RPS6KB1: variants seen among roughly 807,000 people sequenced by gnomAD.
The protein encoded by RPS6KB1 is ribosomal protein S6 kinase B1.
In RPS6KB1, 12 loss-of-function variants were observed where a neutral mutation model predicts 70.2. The observed-to-expected ratio is 0.17, with a 90% CI of 0.11 to 0.28. The LOEUF (loss-of-function observed/expected upper bound fraction) is 0.28, where lower values mean the gene tolerates loss of function less well. Among genes scored for constraint, RPS6KB1 ranks in the 10% least tolerant of loss-of-function variants. The pLI is 1.00. For synonymous variants in RPS6KB1, 175 were observed against 211.2 expected (o/e 0.83, Z 1.49); for missense variants, 270 against 646.6 (o/e 0.42, Z 6.32).
At chr17:59,932,034 C>T (rs2043950594) in intron 7 of RPS6KB1, among the ~76,000 whole-genome samples, 1 of 152,026 alleles carries the variant, frequency 6.6e-6, no homozygotes, top group Non-Finnish European at 1.5e-5. Flanking sequence ...AAAAGCCAGT[C>T]TAAACATTAA....
chr17:59,933,888 A>C (rs1041085701), intron 7 of RPS6KB1, among the ~76,000 whole-genome samples: 2 of 152,168 alleles, frequency 1.3e-5, no homozygotes, highest in African/African-American at 4.8e-5. Flanking sequence ...AGAATTTTGT[A>C]TATACTTAAA....
At chr17:59,922,965 C>G (rs1422402539) in intron 4 of RPS6KB1, among the ~76,000 whole-genome samples, 1 of 150,132 alleles carries the variant, frequency 6.7e-6, no homozygotes, top group African/African-American at 2.5e-5. Context: ...CTCCCAGGTT[C>G]GAGCAATTCT....
intron 1 of RPS6KB1, among the ~76,000 whole-genome samples, chr17:59,902,885 T>G (rs114507469): frequency 2.1e-3 from 313 of 152,166 alleles, no homozygotes; most frequent in African/African-American, 7.2e-3. Flanking sequence ...CTGGCCTGAA[T>G]AAACCTTTTA....
chr17:59,914,759 C>T, intron 4 of RPS6KB1, 56 bp downstream of exon 4: 1 of 1,234,972 alleles, frequency 8.1e-7, no homozygotes, highest in Non-Finnish European at 1.2e-6. Flanking sequence ...CACTTGATCT[C>T]AGCCAAAAGG....
In RPS6KB1 at chr17:59,949,744, G is replaced by A. The variant is rs1322555207; in HGVS notation, c.*2956G>A. 1 of 152,296 alleles carries A rather than the reference G, an allele frequency of 6.6e-6. No homozygotes were observed. Among genetic ancestry groups the A allele is most frequent in the Non-Finnish European group, 1.5e-5 (1 of 67,882 alleles). The allele number at this position is 152,296 out of a possible 1,614,324, so 9.4% of individuals were successfully genotyped here. A position where few individuals can be genotyped will look rare whatever the true frequency, so the allele number is the denominator to read the frequency against. On this transcript the variant is annotated 3_prime_UTR_variant, in exon 15 of 15. Transcript: ENST00000225577. ...TATTTTTTAAGATAGAAGATAATTT[G>A]TGGGCAGGGGTGGAGGATGCATGTA...
rs559799422 is a variant in RPS6KB1, at chr17:59,948,232, A to G, written c.*1444A>G. 1 of 152,744 alleles carries G rather than the reference A, an allele frequency of 6.5e-6. No homozygotes were observed. The highest frequency in any genetic ancestry group is 1.9e-4 in the East Asian group (1 of 5,194). The allele number at this position is 152,744 out of a possible 1,614,324, so 9.5% of individuals were successfully genotyped here. On this transcript the variant is annotated 3_prime_UTR_variant, in exon 15 of 15. Transcript: ENST00000225577. ...CATTTCCATGACTTTAGCTGGTGAAAGGGTTTAATATCTGCAGAGCTTTAT... is the reference window on the plus strand; with the variant it reads ...CATTTCCATGACTTTAGCTGGTGAAGGGGTTTAATATCTGCAGAGCTTTAT...
intron 1 of RPS6KB1, among the ~76,000 whole-genome samples, chr17:59,898,610 C>G (rs2041711688): frequency 6.6e-6 from 1 of 151,796 alleles, no homozygotes; most frequent in Admixed American, 6.6e-5. Flanking sequence ...CCGACTACCA[C>G]ACCCAGCTAA....
At chr17:59,894,042 T>C in intron 1 of RPS6KB1, 1 of 699,088 alleles carries the variant, frequency 1.4e-6, no homozygotes, top group Non-Finnish European at 1.8e-6. Context: ...TGTATTTTTT[T>C]CAGAATAATT....
At chr17:59,916,644 G>C (rs992790655) in intron 4 of RPS6KB1, among the ~76,000 whole-genome samples, 3 of 152,100 alleles carry the variant, frequency 2.0e-5, no homozygotes, top group African/African-American at 7.2e-5. Context: ...TTCCCATCTG[G>C]AGTGGTAGCT....
At chr17:59,922,707 G>A (rs2043346613) in intron 4 of RPS6KB1, among the ~76,000 whole-genome samples, 1 of 151,524 alleles carries the variant, frequency 6.6e-6, no homozygotes, top group Non-Finnish European at 1.5e-5. Context: ...ATCGCGCCCA[G>A]CTAATTTTTT....
In RPS6KB1 at chr17:59,940,970, A is replaced by G. The variant is rs571692320; in HGVS notation, c.1227+27A>G. Reference sequence around the variant, plus strand: ...TAAGTGAAAGAATTTCCATGTAGTCATGGGAAATTTTAGTGTGAGGATGGG... The same window carrying G: ...TAAGTGAAAGAATTTCCATGTAGTCGTGGGAAATTTTAGTGTGAGGATGGG... On this transcript the variant is annotated intron_variant, in intron 13 of 14. Coordinates refer to ENST00000225577, the MANE Select transcript of RPS6KB1 (RefSeq NM_003161.4). 1.6e-5 allele frequency: 24 copies of G among 1,477,726 alleles called. No homozygotes were observed. The South Asian group carries it at 2.5e-4, about 15-fold the overall frequency. 91.5% of individuals were successfully genotyped at this position (1,477,726 alleles called of 1,614,324 possible).
chr17:59,941,368 T>TG (rs2044571901), intron 13 of RPS6KB1, among the ~76,000 whole-genome samples: 1 of 150,920 alleles, frequency 6.6e-6, no homozygotes, highest in South Asian at 2.1e-4. Flanking sequence ...TAGCCTAGGC[T>TG]GGGTGTAGTG....
rs1407393058 is a variant in RPS6KB1, at chr17:59,947,014, A to G, written c.*226A>G. On this transcript the variant is annotated 3_prime_UTR_variant, in exon 15 of 15. Coordinates refer to ENST00000225577, the MANE Select transcript of RPS6KB1 (RefSeq NM_003161.4). Reference sequence around the variant, plus strand: ...TGCTGAACTCTTAGGCACATCAATTAATTGATTCCTCGCGACATCTTCTCA... The same window carrying G: ...TGCTGAACTCTTAGGCACATCAATTGATTGATTCCTCGCGACATCTTCTCA... The G allele has an allele frequency of 2.9e-6, 4 of 1,369,234 alleles. No individual in the cohort carries two copies. Among genetic ancestry groups the G allele is most frequent in the East Asian group, 2.8e-5 (1 of 35,476 alleles). 84.8% of individuals were successfully genotyped at this position (1,369,234 alleles called of 1,614,324 possible). A position where few individuals can be genotyped will look rare whatever the true frequency, so the allele number is the denominator to read the frequency against.
intron 1 of RPS6KB1, among the ~76,000 whole-genome samples, chr17:59,894,158 G>A (rs2041352640): frequency 6.6e-6 from 1 of 151,978 alleles, no homozygotes; most frequent in South Asian, 2.1e-4. Context: ...GGTGGTATGA[G>A]GGCTTTCCTT....
At chr17:59,910,635 C>T (rs1229341649) in intron 2 of RPS6KB1, 24 bp downstream of exon 2, 1 of 1,483,850 alleles carries the variant, frequency 6.7e-7, no homozygotes. Flanking sequence ...AAGAGATTTT[C>T]ATTGTGTTGT....
intron 13 of RPS6KB1, among the ~76,000 whole-genome samples, chr17:59,942,616 C>T (rs1321636730): frequency 6.6e-6 from 1 of 151,692 alleles, no homozygotes; most frequent in Admixed American, 6.6e-5. Flanking sequence ...TTTTTGAGTT[C>T]ACTGGATTTG....
At chr17:59,912,973 T>C (rs770193907) in intron 3 of RPS6KB1, among the ~76,000 whole-genome samples, 169 bp downstream of exon 3, 1 of 152,224 alleles carries the variant, frequency 6.6e-6, no homozygotes, top group Non-Finnish European at 1.5e-5. Context: ...TTTTCCCTTC[T>C]TTTCATACCA....
intron 5 of RPS6KB1, among the ~76,000 whole-genome samples, chr17:59,929,343 T>G (rs180526): frequency 6.6e-6 from 1 of 152,208 alleles, no homozygotes; most frequent in Non-Finnish European, 1.5e-5. Flanking sequence ...AGGTGATCTG[T>G]CCGCCTCGGC....
intron 4 of RPS6KB1, among the ~76,000 whole-genome samples, chr17:59,925,155 G>C (rs1301246900): frequency 6.6e-6 from 1 of 152,044 alleles, no homozygotes; most frequent in African/African-American, 2.4e-5. Flanking sequence ...TTATAGCTTT[G>C]TTACATGTTG....
Sources: gnomAD v4.1 joint callset for allele counts (sites outside exome capture counted in the v4.1 genomes callset) on GRCh38, gnomAD v4.1.1 for gene constraint, MANE v1.5 for transcripts, NCBI Gene and HGNC (gene_info 2026-07-23, HGNC 2026-07-21) for gene names.